The following ATP8A1 variants were observed in gnomAD, a reference collection of about 807,000 sequenced individuals.
The protein encoded by ATP8A1 is phospholipid-transporting ATPase IA.
ATP8A1 carries 90 observed loss-of-function variants against 177.7 expected under a neutral mutation model. The observed-to-expected ratio is 0.51, with a 90% CI of 0.43 to 0.60. The LOEUF (loss-of-function observed/expected upper bound fraction) is 0.60, where lower values mean the gene tolerates loss of function less well. ATP8A1 is among the 20% of genes least tolerant of loss of function. ATP8A1 has a pLI of 0.00. For synonymous variants in ATP8A1, 493 were observed against 485.9 expected, an observed-to-expected ratio of 1.01 and a Z score of -0.19; for missense variants, 1,072 against 1,392.8, an observed-to-expected ratio of 0.77 and a Z score of 3.67.
intron 18 of ATP8A1, among the ~76,000 whole-genome samples, 177 bp downstream of exon 18, chr4:42,551,021 T>G (rs1049113332): frequency 6.6e-6 from 1 of 152,206 alleles, no homozygotes; most frequent in Admixed American, 6.5e-5. Context: ...GTCACCTTTA[T>G]TTTTTGAAAA....
At chr4:42,523,166 T>C (rs1463130984) in intron 21 of ATP8A1, among the ~76,000 whole-genome samples, 1 of 152,196 alleles carries the variant, frequency 6.6e-6, no homozygotes, top group African/African-American at 2.4e-5. Context: ...CAATCAAAGC[T>C]GATATGTAAA....
chr4:42,616,198 TC>T (rs1736900341), intron 4 of ATP8A1, 120 bp from the exon 5 acceptor site: 5 of 828,642 alleles, frequency 6.0e-6, no homozygotes, highest in Non-Finnish European at 5.7e-6. Flanking sequence ...CATTTCTCAT[TC>T]ATGTCAATGT....
At chr4:42,551,096 G>T in intron 18 of ATP8A1, 102 bp downstream of exon 18, 1 of 918,484 alleles carries the variant, frequency 1.1e-6, no homozygotes, top group South Asian at 1.5e-5. Context: ...TCTGGAGTGG[G>T]GAACCTCTAT....
At chr4:42,574,806 C>A in intron 13 of ATP8A1, 99 bp from the exon 14 acceptor site, 1 of 735,926 alleles carries the variant, frequency 1.4e-6, no homozygotes, top group African/African-American at 1.8e-5. Flanking sequence ...TGCAGGGGCA[C>A]AATGAATATT....
intron 4 of ATP8A1, among the ~76,000 whole-genome samples, chr4:42,619,506 TGTTAA>T (rs928749664): frequency 2.6e-5 from 4 of 152,034 alleles, no homozygotes; most frequent in East Asian, 1.9e-4. Flanking sequence ...AATCATAGTA[TGTTAA>T]GTTATCTAAA....
At chr4:42,419,778 T>G (rs913135600) in intron 35 of ATP8A1, among the ~76,000 whole-genome samples, 2 of 151,798 alleles carry the variant, frequency 1.3e-5, no homozygotes, top group Non-Finnish European at 2.9e-5. Flanking sequence ...CTGAGGCGGG[T>G]GGATCACGAG....
At chr4:42,609,916 CTCCCTG>C (rs1418256166) in intron 5 of ATP8A1, among the ~76,000 whole-genome samples, 3 of 152,118 alleles carry the variant, frequency 2.0e-5, no homozygotes, top group Non-Finnish European at 2.9e-5. Flanking sequence ...CCTAACTTGC[CTCCCTG>C]TCCCTGTCCC....
At chr4:42,459,427 T>G in intron 27 of ATP8A1, 1 of 229,234 alleles carries the variant, frequency 4.4e-6, no homozygotes. Flanking sequence ...TAAAATTAAC[T>G]TTTTATAAGC....
In ATP8A1 at chr4:42,413,025, T is replaced by C; in HGVS notation, c.3398-12A>G. 1 of 1,609,618 alleles carries C rather than the reference T, an allele frequency of 6.2e-7. No homozygotes were observed. On this transcript the variant is annotated splice_polypyrimidine_tract_variant and intron_variant, in intron 36 of 36. Coordinates refer to ENST00000381668, the MANE Select transcript of ATP8A1 (RefSeq NM_006095.2). ...GAACGCATACCCATCTGTAGGTTAA[T>C]GATAAAACAGAAATTCTCACAAAGG...
intron 10 of ATP8A1, 115 bp downstream of exon 10, chr4:42,581,506 G>T: frequency 1.3e-6 from 1 of 755,950 alleles, no homozygotes; most frequent in Non-Finnish European, 2.3e-6. Context: ...TATAGGGTTG[G>T]ATCAGGAGTC....
chr4:42,559,353 A>G (rs1730579988), intron 15 of ATP8A1, among the ~76,000 whole-genome samples: 1 of 152,238 alleles, frequency 6.6e-6, no homozygotes, highest in Non-Finnish European at 1.5e-5. Flanking sequence ...TGAGCAAAGG[A>G]TATAAACACA....
In ATP8A1 at chr4:42,464,940, T is replaced by C. The variant is rs761603135; in HGVS notation, c.2461A>G (p.Asn821Asp). 1 of 1,614,232 alleles carries C rather than the reference T, an allele frequency of 6.2e-7. No homozygotes were observed. Among genetic ancestry groups the C allele is most frequent in the East Asian group, 2.2e-5 (1 of 44,888 alleles). Reference protein sequence around the residue: ...TAHVGVGISGNEGLQAANSSD... With the variant: ...TAHVGVGISGDEGLQAANSSD... ...GAATTAGCTGCCTGCAGGCCTTCAT[T>C]GCCACTGATACCAACACCAACGTGC... is the stretch of plus-strand genomic sequence containing the variant. The change falls in exon 26 of 37, where the codon AAT becomes GAT. Residue 821 changes from asparagine (N) to aspartate (D), a missense_variant. Transcript: ENST00000381668.
intron 4 of ATP8A1, among the ~76,000 whole-genome samples, chr4:42,616,513 C>T (rs373195464): frequency 1.9e-4 from 29 of 152,226 alleles, no homozygotes; most frequent in African/African-American, 6.3e-4. Context: ...TTTCAGCTTA[C>T]GAAATTTGTT....
chr4:42,571,523 T>C (rs1430455975), intron 14 of ATP8A1, among the ~76,000 whole-genome samples: 1 of 151,800 alleles, frequency 6.6e-6, no homozygotes, highest in Non-Finnish European at 1.5e-5. Context: ...ATCTTCACTC[T>C]ATTGAGATTT....
intron 24 of ATP8A1, among the ~76,000 whole-genome samples, chr4:42,495,342 A>C (rs1264403309): frequency 6.6e-6 from 1 of 152,210 alleles, no homozygotes; most frequent in Non-Finnish European, 1.5e-5. Context: ...ACCATTGGGT[A>C]TTACTTGCTT....
Position 42,411,039 on chromosome 4 carries a change from A to G in ATP8A1, c.*1877T>C, listed in dbSNP as rs1712539284. ...ATTCACTGGACAGGTAAAGACTGGGACTTCAGAATTTTGAAGACGATCTTA... is the reference window on the plus strand; with the variant it reads ...ATTCACTGGACAGGTAAAGACTGGGGCTTCAGAATTTTGAAGACGATCTTA... On this transcript the variant is annotated 3_prime_UTR_variant, in exon 37 of 37. Transcript: ENST00000381668. 1 of 152,188 alleles carries G rather than the reference A, an allele frequency of 6.6e-6. No homozygotes were observed. Among genetic ancestry groups the G allele is most frequent in the South Asian group, 2.1e-4 (1 of 4,830 alleles). 9.4% of individuals were successfully genotyped at this position (152,188 alleles called of 1,614,324 possible).
chr4:42,465,169 A>T, intron 25 of ATP8A1, 93 bp from the exon 26 acceptor site: 1 of 1,098,116 alleles, frequency 9.1e-7, no homozygotes, highest in Non-Finnish European at 1.3e-6. Flanking sequence ...AAAAGACCTA[A>T]ATGAATAGTT....
chr4:42,585,438 G>T (rs1441521729), intron 9 of ATP8A1, among the ~76,000 whole-genome samples: 1 of 149,980 alleles, frequency 6.7e-6, no homozygotes. Flanking sequence ...CCAAAGCGGT[G>T]TATCAGAAGG....
chr4:42,587,629 CAG>C (rs1733757570), intron 8 of ATP8A1, among the ~76,000 whole-genome samples: 1 of 140,506 alleles, frequency 7.1e-6, no homozygotes, highest in Admixed American at 7.3e-5. Context: ...TTTTTTGAGA[CAG>C]AGTCTCGCTC....
Sources: gnomAD v4.1 joint callset for allele counts (sites outside exome capture counted in the v4.1 genomes callset) on GRCh38, gnomAD v4.1.1 for gene constraint, MANE v1.5 for transcripts, NCBI Gene and HGNC (gene_info 2026-07-23, HGNC 2026-07-21) for gene names.